RIMBP2: variants seen among roughly 807,000 people sequenced by gnomAD.
RIMBP2 encodes the protein RIMS-binding protein 2.
Under a neutral mutation model 118.6 loss-of-function variants are expected in RIMBP2, and 48 were observed. The observed-to-expected ratio is 0.40, with a 90% CI of 0.32 to 0.51. The LOEUF is 0.51. RIMBP2 is among the 20% of genes least tolerant of loss of function. The pLI is 0.41. For missense variants in RIMBP2, 1,551 were observed against 1,768.3 expected (o/e 0.88, Z 2.20); for synonymous variants, 762 against 742.9 (o/e 1.03, Z -0.42).
chr12:130,438,647 T>C (rs2077739704), intron 11 of RIMBP2, 131 bp from the exon 12 acceptor site: 2 of 745,606 alleles, frequency 2.7e-6, no homozygotes, highest in African/African-American at 1.9e-5. Flanking sequence ...GAGAAGACAG[T>C]GTTGAAAGCA....
chr12:130,626,075 A>G (rs1321258927), intron 2 of RIMBP2, among the ~76,000 whole-genome samples: 1 of 152,246 alleles, frequency 6.6e-6, no homozygotes, highest in Non-Finnish European at 1.5e-5. Flanking sequence ...TTTTTCAGGA[A>G]TCTTACCCAC....
chr12:130,706,999 G>A (rs1276272047), intron 1 of RIMBP2, among the ~76,000 whole-genome samples: 1 of 152,190 alleles, frequency 6.6e-6, no homozygotes, highest in African/African-American at 2.4e-5. Context: ...AATTAACAAT[G>A]TGAAATCCTG....
chr12:130,708,072 C>G (rs1366411727), intron 1 of RIMBP2, among the ~76,000 whole-genome samples: 2 of 152,184 alleles, frequency 1.3e-5, no homozygotes, highest in African/African-American at 2.4e-5. Context: ...AGATGACGCT[C>G]TGACACACAC....
At chr12:130,596,491 A>G (rs1353140567) in intron 2 of RIMBP2, among the ~76,000 whole-genome samples, 1 of 152,114 alleles carries the variant, frequency 6.6e-6, no homozygotes, top group African/African-American at 2.4e-5. Context: ...GGGCTCTGAA[A>G]CTGAGGCTCA....
intron 2 of RIMBP2, among the ~76,000 whole-genome samples, chr12:130,554,070 A>T (rs973244453): frequency 1.5e-4 from 23 of 152,138 alleles, no homozygotes; most frequent in Admixed American, 4.6e-4. Flanking sequence ...CCATCTGTAA[A>T]CTCATTGATC....
At chr12:130,472,210 G>T (rs1462984594) in intron 5 of RIMBP2, 1 of 152,178 alleles carries the variant, frequency 6.6e-6, no homozygotes, top group African/African-American at 2.4e-5. Flanking sequence ...TTCAGTGATG[G>T]GCACAAAAAC....
At chr12:130,562,218 C>G (rs1022474369) in intron 2 of RIMBP2, among the ~76,000 whole-genome samples, 1 of 152,168 alleles carries the variant, frequency 6.6e-6, no homozygotes. Flanking sequence ...TTCAAAGCCA[C>G]CCTCCATGAA....
intron 2 of RIMBP2, among the ~76,000 whole-genome samples, chr12:130,535,724 TATACATATATATAC>T (rs1196364911): frequency 2.2e-5 from 1 of 45,374 alleles, no homozygotes; most frequent in South Asian, 1.6e-3. Flanking sequence ...TATACATATA[TATACATATATATAC>T]ATATATATAT....
chr12:130,455,046 C>T (rs1462238233), intron 7 of RIMBP2, among the ~76,000 whole-genome samples: 4 of 152,222 alleles, frequency 2.6e-5, no homozygotes, highest in East Asian at 1.9e-4. Context: ...GCACGGTGCC[C>T]GCGCAAGCAG....
chr12:130,594,797 C>G (rs2059459549), intron 2 of RIMBP2, among the ~76,000 whole-genome samples: 1 of 152,074 alleles, frequency 6.6e-6, no homozygotes, highest in African/African-American at 2.4e-5. Context: ...ACCCATTGTT[C>G]TAAAGTAAAC....
Position 130,531,929 on chromosome 12 carries a change from G to A in RIMBP2, c.-216-14012C>T, listed in dbSNP as rs558401593. On this transcript the variant is annotated intron_variant, in intron 2 of 22. Coordinates refer to ENST00000690449, the MANE Select transcript of RIMBP2 (RefSeq NM_001393629.1). ...CTAGGAGTTACGTCTAATGAGATGC[G>A]TATGTTTAGCCTCTAGGAGGTACGT... 7.7e-3 allele frequency among the ~76,000 whole-genome samples: 1,134 copies of A among 147,052 alleles called. 8 individuals are homozygous for A. Among genetic ancestry groups the A allele is most frequent in the African/African-American group, 0.028 (1,068 of 38,654 alleles).
At chr12:130,572,824 C>T (rs1295227049) in intron 2 of RIMBP2, among the ~76,000 whole-genome samples, 4 of 151,922 alleles carry the variant, frequency 2.6e-5, no homozygotes, top group Admixed American at 1.3e-4. Context: ...CACCACGGGA[C>T]GGGGCCAGAG....
chr12:130,437,246 G>T lies in RIMBP2; in HGVS notation c.1702C>A (p.Leu568Ile). The change falls in exon 13 of 23, where the codon CTT becomes ATT. Residue 568 changes from leucine to isoleucine, a missense_variant. Around this residue, in one of 5 missense-constraint regions of RIMBP2, gnomAD observed 1,038 missense variants for 1,125.1 expected, o/e 0.92. Transcript: ENST00000690449. ...GCCTCCAGGCTCCGCAGCCGCACAAGCTCCACGGCCGTGCTGTCTGCCGTG... is the reference window on the plus strand; with the variant it reads ...GCCTCCAGGCTCCGCAGCCGCACAATCTCCACGGCCGTGCTGTCTGCCGTG... Reference protein sequence around the residue: ...FPTADSTAVELVRLRSLEAKG... With the variant: ...FPTADSTAVEIVRLRSLEAKG... 6.3e-7 allele frequency: 1 copy of T among 1,586,658 alleles called. No individual in the cohort carries two copies. The highest frequency in any genetic ancestry group is 1.3e-5 in the African/African-American group (1 of 74,794).
chr12:130,405,522 A>G (rs1365096016), intron 21 of RIMBP2, among the ~76,000 whole-genome samples: 1 of 152,170 alleles, frequency 6.6e-6, no homozygotes, highest in Non-Finnish European at 1.5e-5. Flanking sequence ...AGGGGCAGCT[A>G]CTTGTAAAGA....
chr12:130,701,036 G>C (rs1398635453), intron 1 of RIMBP2, among the ~76,000 whole-genome samples: 7 of 152,234 alleles, frequency 4.6e-5, no homozygotes, highest in Admixed American at 2.6e-4. Flanking sequence ...CAAGAAGAGT[G>C]CACAGGTCTC....
intron 2 of RIMBP2, among the ~76,000 whole-genome samples, chr12:130,596,647 C>A (rs532618879): frequency 1.3e-5 from 2 of 152,162 alleles, no homozygotes; most frequent in East Asian, 1.9e-4. Flanking sequence ...GTGTGTAATG[C>A]GGTGCATGGG....
At chr12:130,615,228 A>C (rs1029979049) in intron 2 of RIMBP2, among the ~76,000 whole-genome samples, 28 of 112,258 alleles carry the variant, frequency 2.5e-4, no homozygotes, top group African/African-American at 9.1e-4. Context: ...TTATATACAT[A>C]AATGTATATA....
Position 130,430,340 on chromosome 12 carries a change from C to T in RIMBP2, c.2254-2003G>A, listed in dbSNP as rs746438160. On this transcript the variant is annotated intron_variant, in intron 14 of 22. Transcript: ENST00000690449. ...TGGGGATAGGGGAGGTGCTGAGCCC[C>T]GCATCCAGCAGGAGGCCTGTGGCTA... is the stretch of plus-strand genomic sequence containing the variant. 4.6e-5 allele frequency: 7 copies of T among 152,310 alleles called. No individual in the cohort carries two copies. In the South Asian group the frequency reaches 1.0e-3, roughly 23 times the overall value. 9.4% of individuals were successfully genotyped at this position (152,310 alleles called of 1,614,324 possible). A position where few individuals can be genotyped will look rare whatever the true frequency, so the allele number is the denominator to read the frequency against.
At chr12:130,402,477 A>G (rs1475476517) in intron 21 of RIMBP2, among the ~76,000 whole-genome samples, 2 of 151,978 alleles carry the variant, frequency 1.3e-5, no homozygotes, top group Non-Finnish European at 2.9e-5. Context: ...TCCATATAGC[A>G]TGTTTCCCAG....
Sources: gnomAD v4.1 joint callset for allele counts (sites outside exome capture counted in the v4.1 genomes callset) on GRCh38, gnomAD v4.1.1 for gene constraint, gnomAD v4.1.1 regional missense constraint, MANE v1.5 for transcripts, NCBI Gene and HGNC (gene_info 2026-07-23, HGNC 2026-07-21) for gene names.